Variants in ASAP1 observed in about 807,000 individuals in gnomAD.
ASAP1 encodes arf-GAP with SH3 domain, ANK repeat and PH domain-containing protein 1.
ASAP1 carries 43 observed loss-of-function variants against 145.2 expected under a neutral mutation model. The ratio of observed to expected loss-of-function variants is 0.30; its 90% CI spans 0.23 to 0.38. The LOEUF is 0.38. Ranked by LOEUF, ASAP1 falls within the 10% of genes least tolerant of loss-of-function variation. ASAP1 has a pLI of 1.00. For missense variants in ASAP1, 1,018 were observed against 1,355.3 expected (o/e 0.75, Z 3.91); for synonymous variants, 546 against 515.5 (o/e 1.06, Z -0.80).
intron 1 of ASAP1, among the ~76,000 whole-genome samples, chr8:130,420,850 G>A (rs747211601): frequency 2.0e-5 from 3 of 149,342 alleles, no homozygotes; most frequent in East Asian, 2.0e-4. Context: ...CCAAGATCAC[G>A]CCACTGCACT....
At chr8:130,117,610 TC>T (rs1273688048) in intron 20 of ASAP1, among the ~76,000 whole-genome samples, 4 of 152,196 alleles carry the variant, frequency 2.6e-5, no homozygotes, top group Admixed American at 2.0e-4. Flanking sequence ...AGTCCAAACT[TC>T]CTATATTCAC....
chr8:130,283,587 G>GAAAAAAA (rs71304303), intron 3 of ASAP1, among the ~76,000 whole-genome samples: 9 of 20,870 alleles, frequency 4.3e-4, no homozygotes, highest in African/African-American at 1.2e-3. Flanking sequence ...ATCACAGAAA[G>GAAAAAAA]AAAAAAAAAA....
Position 130,092,037 on chromosome 8 carries a change from T to G in ASAP1, c.2508A>C (p.Arg836Ser). ...RPPPPPPGHK[R>S]TLSDPPSPLP... The stretch of plus-strand genomic sequence containing the variant: ...GTGGGCTGGGAGGGTCGGATAGGGT[T>G]CTCTTGTGTCCGGGTGGTGGGGGAG... The change falls in exon 25 of 30, where the codon AGA (arginine) becomes AGC (serine). Residue 836 changes from arginine to serine, a missense_variant. Coordinates refer to ENST00000518721, the MANE Select transcript of ASAP1 (RefSeq NM_018482.4). The G allele has an allele frequency of 6.3e-7, 1 of 1,577,696 alleles. No homozygotes were observed. The highest frequency in any genetic ancestry group is 8.6e-7 in the Non-Finnish European group (1 of 1,166,050).
chr8:130,101,579 T>A (rs2097528821), intron 24 of ASAP1, among the ~76,000 whole-genome samples: 1 of 151,750 alleles, frequency 6.6e-6, no homozygotes, highest in South Asian at 2.1e-4. Context: ...CAATTTTTCT[T>A]TTTTTTTCTG....
intron 3 of ASAP1, among the ~76,000 whole-genome samples, chr8:130,247,694 C>G (rs1014763403): frequency 2.6e-5 from 4 of 152,124 alleles, no homozygotes; most frequent in Admixed American, 1.3e-4. Context: ...TTGTGCCACC[C>G]AAGCAGGTCA....
chr8:130,419,942 C>T (rs7815166), intron 1 of ASAP1, among the ~76,000 whole-genome samples: 2,918 of 150,658 alleles, frequency 0.019, 107 homozygotes, highest in African/African-American at 0.069. Flanking sequence ...TCTGCCTGCA[C>T]CACCTTCTTC....
At chr8:130,428,110 T>A (rs1029773016) in intron 1 of ASAP1, among the ~76,000 whole-genome samples, 1 of 152,112 alleles carries the variant, frequency 6.6e-6, no homozygotes, top group East Asian at 1.9e-4. Flanking sequence ...TGAGAGAACT[T>A]TGGGGATTCC....
chr8:130,415,645 G>A (rs375509677), intron 1 of ASAP1, among the ~76,000 whole-genome samples: 44 of 152,076 alleles, frequency 2.9e-4, no homozygotes, highest in African/African-American at 9.2e-4. Flanking sequence ...AAAATTAGCC[G>A]GGCATGGTGG....
Position 130,358,621 on chromosome 8 carries a change from G to A in ASAP1, c.60-478C>T, listed in dbSNP as rs1002538998. 6.8e-6 allele frequency among the ~76,000 whole-genome samples: 1 copy of A among 147,170 alleles called. No homozygotes were observed. ...GAGCGCACACTCCCGCGGCGGGCGGGCGGGCGGGCGGCGCTCGCGCTGCAG... is the reference window on the plus strand; with the variant it reads ...GAGCGCACACTCCCGCGGCGGGCGGACGGGCGGGCGGCGCTCGCGCTGCAG... On this transcript the variant is annotated intron_variant, in intron 2 of 29. Transcript: ENST00000518721. The surrounding 1 kb of genome is among the most constrained non-coding windows in gnomAD (Gnocchi z 4.1).
At chr8:130,233,445 T>C (rs1818029733) in intron 4 of ASAP1, among the ~76,000 whole-genome samples, 1 of 152,180 alleles carries the variant, frequency 6.6e-6, no homozygotes, top group African/African-American at 2.4e-5. Flanking sequence ...CATTATTTGC[T>C]AGGTATGGTA....
At chr8:130,125,862 G>T in intron 17 of ASAP1, 94 bp downstream of exon 17, 2 of 1,261,586 alleles carry the variant, frequency 1.6e-6, no homozygotes, top group Non-Finnish European at 2.2e-6. Flanking sequence ...ATAATTCTTT[G>T]TACTCAGCAG....
intron 2 of ASAP1, among the ~76,000 whole-genome samples, chr8:130,398,652 T>C (rs940032278): frequency 3.3e-5 from 5 of 152,234 alleles, no homozygotes; most frequent in Non-Finnish European, 7.3e-5. Flanking sequence ...CTAGAACTTA[T>C]ATAGCACTTA....
rs1028421829 is a variant in ASAP1 at position 130,180,679 on chromosome 8, A to C, written c.660+72T>G. The C allele has an allele frequency of 5.3e-6, 8 of 1,518,892 alleles. No homozygotes were observed. The African/African-American group carries it at 1.1e-4, about 21-fold the overall frequency. The allele number at this position is 1,518,892 out of a possible 1,614,324, so 94.1% of individuals were successfully genotyped here. Reference sequence around the variant, plus strand: ...AAACAGAGTCTGCCTTTAAGCATAAAGACTGCTGACTAGCAGGAAAAGATC... The same window carrying C: ...AAACAGAGTCTGCCTTTAAGCATAACGACTGCTGACTAGCAGGAAAAGATC... On this transcript the variant is annotated intron_variant, in intron 8 of 29. Transcript: ENST00000518721.
chr8:130,306,821 C>G (rs1823023798), intron 3 of ASAP1, among the ~76,000 whole-genome samples: 1 of 152,216 alleles, frequency 6.6e-6, no homozygotes, highest in South Asian at 2.1e-4. Flanking sequence ...TCTGTCTTAT[C>G]TCTATGGTGC....
At chr8:130,442,437 G>T (rs1830516865) in intron 1 of ASAP1, among the ~76,000 whole-genome samples, 1 of 152,142 alleles carries the variant, frequency 6.6e-6, no homozygotes, top group African/African-American at 2.4e-5. Flanking sequence ...AAAGCTATCT[G>T]GCCGCGCTAC....
At chr8:130,438,037 G>T (rs554275202) in intron 1 of ASAP1, among the ~76,000 whole-genome samples, 2 of 152,210 alleles carry the variant, frequency 1.3e-5, no homozygotes, top group Non-Finnish European at 2.9e-5. Context: ...GGGAGCTGAA[G>T]GGGCTGGCAG....
At chr8:130,072,080 G>C (rs1294725333) in intron 27 of ASAP1, among the ~76,000 whole-genome samples, 1 of 152,160 alleles carries the variant, frequency 6.6e-6, no homozygotes, top group Admixed American at 6.5e-5. Flanking sequence ...CCTTCCATGA[G>C]AGGGTCCTAC....
intron 1 of ASAP1, among the ~76,000 whole-genome samples, chr8:130,429,215 T>C (rs1830054284): frequency 2.6e-5 from 4 of 152,234 alleles, no homozygotes. Flanking sequence ...GGAGAGCTTA[T>C]TTGTAAATAA....
intron 3 of ASAP1, among the ~76,000 whole-genome samples, chr8:130,256,744 T>TATATATCTCC (rs1819550278): frequency 3.5e-5 from 1 of 28,776 alleles, no homozygotes; most frequent in East Asian, 1.8e-3. Flanking sequence ...CATTCTTATA[T>TATATATCTCC]ATATATATAT....
Sources: allele counts gnomAD v4.1 joint callset (sites outside exome capture counted in the v4.1 genomes callset), GRCh38; gene constraint gnomAD v4.1.1; non-coding constraint Gnocchi (gnomAD v3.1); transcripts MANE v1.5; gene names NCBI Gene and HGNC (gene_info 2026-07-23, HGNC 2026-07-21).